The following SLCO4C1 variants were observed in gnomAD, a reference collection of about 807,000 sequenced individuals.
SLCO4C1 encodes organic anion transporter M1.
SLCO4C1 carries 58 observed loss-of-function variants against 72.1 expected under a neutral mutation model. The observed-to-expected ratio is 0.80, with a 90% CI of 0.65 to 1.00. The LOEUF is 1.00. Ranked by LOEUF, SLCO4C1 falls within the 50% of genes least tolerant of loss-of-function variation. SLCO4C1 has a pLI of 0.00. For missense variants in SLCO4C1, 898 were observed against 857.9 expected (o/e 1.05, Z -0.58); for synonymous variants, 297 against 312.5 (o/e 0.95, Z 0.52).
At chr5:102,288,294 T>G (rs1561382268) in intron 2 of SLCO4C1, among the ~76,000 whole-genome samples, 1 of 152,194 alleles carries the variant, frequency 6.6e-6, no homozygotes, top group Non-Finnish European at 1.5e-5. Flanking sequence ...TCTAATTCTG[T>G]TCTACCTAGT....
rs1748856540 is a variant in SLCO4C1, at chr5:102,257,363, C to A, written c.1274-53G>T. ...GAGAAACCATACACATATACTCACTCATACTGACAACTGGAAAACATCAAA... is the reference window on the plus strand; with the variant it reads ...GAGAAACCATACACATATACTCACTAATACTGACAACTGGAAAACATCAAA... On this transcript the variant is annotated intron_variant, in intron 7 of 12. Transcript: ENST00000310954. 3.7e-6 allele frequency: 5 copies of A among 1,357,170 alleles called. No homozygotes were observed. The South Asian group carries it at 5.0e-5, about 13-fold the overall frequency. 84.1% of individuals were successfully genotyped at this position (1,357,170 alleles called of 1,614,324 possible). A position where few individuals can be genotyped will look rare whatever the true frequency, so the allele number is the denominator to read the frequency against.
chr5:102,241,859 A>C (rs1460025180), intron 10 of SLCO4C1, among the ~76,000 whole-genome samples: 1 of 152,172 alleles, frequency 6.6e-6, no homozygotes, highest in Non-Finnish European at 1.5e-5. Context: ...ACAGAAAAAA[A>C]AACACAACAC....
At chr5:102,260,342 TATATA>T in intron 5 of SLCO4C1, 23 bp from the exon 6 acceptor site, 1 of 323,120 alleles carries the variant, frequency 3.1e-6, no homozygotes, top group African/African-American at 2.9e-5. Flanking sequence ...TATATATATA[TATATA>T]ATATATATAT....
Position 102,276,071 on chromosome 5 carries a change from T to C in SLCO4C1, c.620-5265A>G, listed in dbSNP as rs553668507. 1.8e-3 allele frequency among the ~76,000 whole-genome samples: 273 copies of C among 152,278 alleles called. 3 individuals are homozygous for C. The highest frequency in any genetic ancestry group is 3.4e-3 in the Middle Eastern group (1 of 294). On this transcript the variant is annotated intron_variant, in intron 2 of 12. Coordinates refer to ENST00000310954, the MANE Select transcript of SLCO4C1 (RefSeq NM_180991.5). Reference sequence around the variant, plus strand: ...ACTTGGGACCTCTTTCTTCCCAATATGCAAACTCCTATTAGCTAACCCAAC... The same window carrying C: ...ACTTGGGACCTCTTTCTTCCCAATACGCAAACTCCTATTAGCTAACCCAAC...
At chr5:102,255,476 A>G (rs542481186) in intron 8 of SLCO4C1, among the ~76,000 whole-genome samples, 2 of 152,316 alleles carry the variant, frequency 1.3e-5, no homozygotes, top group Admixed American at 1.3e-4. Flanking sequence ...TAGGGGTGAA[A>G]GTCAGGTCTA....
intron 2 of SLCO4C1, among the ~76,000 whole-genome samples, chr5:102,286,643 T>A (rs187158467): frequency 3.2e-4 from 48 of 152,218 alleles, no homozygotes; most frequent in African/African-American, 1.1e-3. Context: ...CCTCTTAATT[T>A]TAATACTACC....
intron 2 of SLCO4C1, among the ~76,000 whole-genome samples, chr5:102,278,298 C>T (rs984594167): frequency 2.6e-5 from 4 of 151,988 alleles, no homozygotes; most frequent in Admixed American, 2.6e-4. Context: ...AGTCAATTTA[C>T]CAAGAAGAGT....
At chr5:102,238,940 T>C (rs1284978758) in intron 12 of SLCO4C1, among the ~76,000 whole-genome samples, 1 of 152,142 alleles carries the variant, frequency 6.6e-6, no homozygotes, top group Non-Finnish European at 1.5e-5. Flanking sequence ...AGAATTCTCT[T>C]TTAGCTTTCG....
At chr5:102,269,199 T>G (rs899293648) in intron 3 of SLCO4C1, among the ~76,000 whole-genome samples, 2 of 152,180 alleles carry the variant, frequency 1.3e-5, no homozygotes, top group African/African-American at 4.8e-5. Flanking sequence ...TGTACCTGGA[T>G]GTCTAATTTC....
At chr5:102,243,736 A>G (rs1748588412) in intron 10 of SLCO4C1, among the ~76,000 whole-genome samples, 1 of 152,172 alleles carries the variant, frequency 6.6e-6, no homozygotes, top group Admixed American at 6.5e-5. Flanking sequence ...GAACTCACCA[A>G]ATGAGCTCAT....
intron 12 of SLCO4C1, among the ~76,000 whole-genome samples, 192 bp downstream of exon 12, chr5:102,239,059 C>A (rs1019377421): frequency 1.3e-5 from 2 of 152,120 alleles, no homozygotes; most frequent in Non-Finnish European, 2.9e-5. Context: ...CTGAGCCTTG[C>A]AAACTCCATC....
intron 8 of SLCO4C1, among the ~76,000 whole-genome samples, chr5:102,251,310 G>A (rs1019997008): frequency 4.6e-5 from 7 of 152,092 alleles, no homozygotes; most frequent in African/African-American, 1.7e-4. Context: ...TGAAGAAAGG[G>A]GACCAGTTAC....
chr5:102,280,770 CT>C (rs1238210932), intron 2 of SLCO4C1, among the ~76,000 whole-genome samples: 3 of 152,080 alleles, frequency 2.0e-5, no homozygotes, highest in Admixed American at 6.6e-5. Context: ...AACTCACTCA[CT>C]ATCAGGAGAA....
At chr5:102,289,446 G>T (rs1749515628) in intron 2 of SLCO4C1, among the ~76,000 whole-genome samples, 1 of 152,194 alleles carries the variant, frequency 6.6e-6, no homozygotes. Context: ...TTTCGAGCAA[G>T]GTTTGTTTAC....
intron 2 of SLCO4C1, among the ~76,000 whole-genome samples, chr5:102,279,690 G>A (rs1749317419): frequency 6.6e-6 from 1 of 151,840 alleles, no homozygotes. Flanking sequence ...GTACCAAACA[G>A]AATTCACAAA....
intron 8 of SLCO4C1, among the ~76,000 whole-genome samples, chr5:102,254,616 C>T (rs1369603596): frequency 6.6e-6 from 1 of 152,146 alleles, no homozygotes. Context: ...CAGCAGCCAT[C>T]AACACTGAGG....
intron 2 of SLCO4C1, among the ~76,000 whole-genome samples, chr5:102,277,950 GAAAC>G (rs1749279231): frequency 6.6e-6 from 1 of 151,828 alleles, no homozygotes; most frequent in Non-Finnish European, 1.5e-5. Context: ...AGATAATAGA[GAAAC>G]AAAAAACAAA....
At chr5:102,294,463 T>TTC (rs1322550558) in intron 1 of SLCO4C1, among the ~76,000 whole-genome samples, 2 of 152,184 alleles carry the variant, frequency 1.3e-5, no homozygotes, top group African/African-American at 2.4e-5. Flanking sequence ...GATAACAATT[T>TTC]TAGGCAATAT....
In SLCO4C1 at chr5:102,237,001, T is replaced by TTATCA; in HGVS notation, c.2031_2032insTGATA (p.Ile678Ter). Reference sequence around the variant, plus strand: ...GCAAATCCATTGAAGAACATGGTGATAACTTTACAAGTAACACCTAAGTGA... The same window carrying TTATCA: ...GCAAATCCATTGAAGAACATGGTGATTATCAAACTTTACAAGTAACACCTAAGTGA... On this transcript the variant is annotated stop_gained and frameshift_variant, in exon 13 of 13. Coordinates refer to ENST00000310954, the MANE Select transcript of SLCO4C1 (RefSeq NM_180991.5). LOFTEE classifies it low-confidence loss of function (END_TRUNC). The TTATCA allele has an allele frequency of 6.2e-7, 1 of 1,605,898 alleles. No individual in the cohort carries two copies. The highest frequency in any genetic ancestry group is 2.2e-5 in the East Asian group (1 of 44,662).
Sources: gnomAD v4.1 joint callset for allele counts (sites outside exome capture counted in the v4.1 genomes callset) on GRCh38, gnomAD v4.1.1 for gene constraint, MANE v1.5 for transcripts, NCBI Gene and HGNC (gene_info 2026-07-23, HGNC 2026-07-21) for gene names.